Variants in SVOPL observed in about 807,000 individuals in gnomAD.
SVOPL encodes SVOP like.
A neutral mutation model predicts 61.0 loss-of-function variants in SVOPL; 60 were observed. The observed-to-expected ratio is 0.98, with a 90% CI of 0.80 to 1.22. The LOEUF is 1.22. Ranked by LOEUF, SVOPL falls within the 50% of genes most tolerant of loss-of-function variation. The pLI, the probability that SVOPL is intolerant of heterozygous loss-of-function variation, is 0.00. For missense variants in SVOPL, 662 were observed against 643.9 expected (o/e 1.03, Z -0.30); for synonymous variants, 279 against 250.0 (o/e 1.12, Z -1.09).
intron 9 of SVOPL, among the ~76,000 whole-genome samples, chr7:138,638,821 GT>G (rs2116967560): frequency 6.6e-6 from 1 of 152,272 alleles, no homozygotes; most frequent in East Asian, 1.9e-4. Context: ...TTAATTCCAA[GT>G]TAATAAAAGG....
intron 4 of SVOPL, among the ~76,000 whole-genome samples, chr7:138,669,587 T>C (rs1242284749): frequency 6.6e-6 from 1 of 152,180 alleles, no homozygotes; most frequent in Non-Finnish European, 1.5e-5. Context: ...ATCACCTGGA[T>C]AACAGAACAA....
At chr7:138,655,912 G>A (rs1234490522) in intron 7 of SVOPL, among the ~76,000 whole-genome samples, 2 of 152,136 alleles carry the variant, frequency 1.3e-5, no homozygotes, top group African/African-American at 2.4e-5. Flanking sequence ...GCACAGTTTG[G>A]GAGAATTGAC....
intron 1 of SVOPL, among the ~76,000 whole-genome samples, chr7:138,697,639 A>T (rs1803095879): frequency 1.3e-5 from 2 of 148,966 alleles, no homozygotes; most frequent in African/African-American, 4.9e-5. Context: ...AAGAAGAAGA[A>T]GAAGTGGAAG....
chr7:138,631,874 A>T (rs1800208442), intron 9 of SVOPL, among the ~76,000 whole-genome samples: 1 of 150,152 alleles, frequency 6.7e-6, no homozygotes, highest in Non-Finnish European at 1.5e-5. Flanking sequence ...CGGCAGGCTC[A>T]CTCTCCTTTT....
chr7:138,606,468 G>A (rs988671795), intron 14 of SVOPL, among the ~76,000 whole-genome samples: 1 of 152,070 alleles, frequency 6.6e-6, no homozygotes, highest in Non-Finnish European at 1.5e-5. Flanking sequence ...GTGCAGCTGT[G>A]GGTATGTCTC....
intron 6 of SVOPL, among the ~76,000 whole-genome samples, chr7:138,659,514 A>G (rs1209340153): frequency 6.6e-6 from 1 of 151,626 alleles, no homozygotes; most frequent in African/African-American, 2.4e-5. Context: ...AAAAATTAAT[A>G]TGTTAACATC....
intron 9 of SVOPL, among the ~76,000 whole-genome samples, chr7:138,632,920 T>G (rs1336923387): frequency 6.6e-6 from 1 of 152,178 alleles, no homozygotes; most frequent in Admixed American, 6.5e-5. Flanking sequence ...TAAGACTTTT[T>G]CTTTTTGCAA....
At chr7:138,615,588 A>AAAAAAG in intron 14 of SVOPL, among the ~76,000 whole-genome samples, 2 of 55,834 alleles carry the variant, frequency 3.6e-5, no homozygotes, top group South Asian at 1.2e-3. Flanking sequence ...AAAAAAAAAA[A>AAAAAAG]GTTTGAGACC....
intron 8 of SVOPL, among the ~76,000 whole-genome samples, chr7:138,645,410 G>A (rs1263520282): frequency 2.6e-5 from 4 of 152,256 alleles, no homozygotes; most frequent in Admixed American, 6.5e-5. Context: ...CGCAATCAAG[G>A]CTGTTGGCTC....
chr7:138,600,765 G>T (rs1290345626), intron 14 of SVOPL, among the ~76,000 whole-genome samples: 2 of 152,026 alleles, frequency 1.3e-5, no homozygotes, highest in Non-Finnish European at 2.9e-5. Flanking sequence ...TCAGGAAAAT[G>T]AAAATCAAAA....
intron 9 of SVOPL, among the ~76,000 whole-genome samples, chr7:138,631,910 C>T (rs1288414787): frequency 6.6e-6 from 1 of 150,888 alleles, no homozygotes; most frequent in Admixed American, 6.7e-5. Flanking sequence ...TCCCATTTAT[C>T]CCCCTGAAGT....
intron 1 of SVOPL, among the ~76,000 whole-genome samples, chr7:138,695,836 T>A (rs1462016263): frequency 6.6e-6 from 1 of 152,156 alleles, no homozygotes; most frequent in African/African-American, 2.4e-5. Context: ...CAGGCTGGAG[T>A]ACAGTGGCGT....
chr7:138,700,074 T>C (rs1433090555), intron 1 of SVOPL, among the ~76,000 whole-genome samples: 2 of 152,192 alleles, frequency 1.3e-5, no homozygotes, highest in African/African-American at 4.8e-5. Flanking sequence ...TTCACATCTG[T>C]ACCTTGGAAA....
chr7:138,689,508 C>T, intron 1 of SVOPL: 1 of 679,548 alleles, frequency 1.5e-6, no homozygotes, highest in Non-Finnish European at 2.6e-6. Context: ...GAAACAAAAA[C>T]TTATGACACG....
intron 3 of SVOPL, among the ~76,000 whole-genome samples, chr7:138,678,181 C>G (rs1193323260): frequency 6.6e-6 from 1 of 151,968 alleles, no homozygotes. Context: ...GAAAGTCCCC[C>G]CTCCCCCACC....
chr7:138,606,603 C>T (rs981378777), intron 14 of SVOPL, among the ~76,000 whole-genome samples: 1 of 152,086 alleles, frequency 6.6e-6, no homozygotes, highest in Non-Finnish European at 1.5e-5. Context: ...CACATTGGGC[C>T]TTGCTCCCTT....
intron 9 of SVOPL, among the ~76,000 whole-genome samples, chr7:138,630,564 C>T (rs558739784): frequency 5.5e-4 from 84 of 152,280 alleles, no homozygotes; most frequent in Non-Finnish European, 9.7e-4. Flanking sequence ...AAGGAGAGAA[C>T]GCCTAATTTC....
rs531450460 is a variant in SVOPL at position 138,669,595 on chromosome 7, C to T, written c.273+2424G>A. ...CCCAGAGATCACCTGGATAACAGAACAACCTTTGTTCCTGTGCAACTCCAC... is the reference window on the plus strand; with the variant it reads ...CCCAGAGATCACCTGGATAACAGAATAACCTTTGTTCCTGTGCAACTCCAC... On this transcript the variant is annotated intron_variant, in intron 4 of 15. Coordinates refer to ENST00000674285, the MANE Select transcript of SVOPL (RefSeq NM_001139456.2). 2.0e-3 allele frequency among the ~76,000 whole-genome samples: 301 copies of T among 152,290 alleles called. 2 individuals carry two copies. Among genetic ancestry groups the T allele is most frequent in the Non-Finnish European group, 3.4e-3 (228 of 68,028 alleles).
chr7:138,626,696 A>G (rs1799907399), intron 12 of SVOPL, among the ~76,000 whole-genome samples: 2 of 151,824 alleles, frequency 1.3e-5, no homozygotes, highest in African/African-American at 2.4e-5. Context: ...TTTTTTTTCA[A>G]TTGGCCCAGC....
Sources: allele counts gnomAD v4.1 joint callset (sites outside exome capture counted in the v4.1 genomes callset), GRCh38; gene constraint gnomAD v4.1.1; transcripts MANE v1.5; gene names NCBI Gene and HGNC (gene_info 2026-07-23, HGNC 2026-07-21).